VPS4B: variants seen among roughly 807,000 people sequenced by gnomAD.
The protein encoded by VPS4B is vacuolar protein sorting-associated protein 4B.
Under a neutral mutation model 56.1 loss-of-function variants are expected in VPS4B, and 23 were observed. That is an observed-to-expected ratio of 0.41 (90% confidence interval 0.30 to 0.58). The LOEUF (loss-of-function observed/expected upper bound fraction) is 0.58. Ranked by LOEUF, VPS4B falls within the 20% of genes least tolerant of loss-of-function variation. VPS4B has a pLI of 0.29. For missense variants in VPS4B, 372 were observed against 531.9 expected, an observed-to-expected ratio of 0.70 and a Z score of 2.96; for synonymous variants, 177 against 186.0, an observed-to-expected ratio of 0.95 and a Z score of 0.39.
intron 8 of VPS4B, among the ~76,000 whole-genome samples, chr18:63,398,223 A>ATTTT (rs869086603): frequency 6.6e-5 from 3 of 45,686 alleles, no homozygotes; most frequent in Admixed American, 2.6e-4. Flanking sequence ...ATATATATAT[A>ATTTT]TTTTTTTTTG....
intron 4 of VPS4B, among the ~76,000 whole-genome samples, chr18:63,406,820 GT>G (rs1423352499): frequency 6.6e-6 from 1 of 152,202 alleles, no homozygotes; most frequent in East Asian, 1.9e-4. Context: ...CAATTAGAAA[GT>G]TCTAAGTGGC....
chr18:63,415,035 G>A (rs1032520867), intron 1 of VPS4B, among the ~76,000 whole-genome samples: 2 of 152,186 alleles, frequency 1.3e-5, no homozygotes, highest in African/African-American at 4.8e-5. Context: ...AATTAAAATA[G>A]CCACATGCAG....
intron 1 of VPS4B, among the ~76,000 whole-genome samples, chr18:63,418,025 T>C (rs1034409252): frequency 7.2e-5 from 11 of 152,284 alleles, no homozygotes; most frequent in Middle Eastern, 6.8e-3. Flanking sequence ...GATCCCCACC[T>C]TCCTCTGCTG....
At position 63,399,806 on chromosome 18, in the gene VPS4B, C is replaced by T. The variant is rs191001984; in HGVS notation, c.790+242G>A. ...ATGGAGAAATTCTGCTTGAATTTTT[C>T]ATTACTGTTATAAAAATTGTTATAA... is the stretch of plus-strand genomic sequence containing the variant. On this transcript the variant is annotated intron_variant, in intron 7 of 10. Transcript: ENST00000238497. Among the ~76,000 whole-genome samples the T allele has an allele frequency of 7.3e-5, 11 of 149,950 alleles. No homozygotes were observed. In the East Asian group the frequency reaches 2.3e-3, roughly 31 times the overall value.
rs998521306 is a variant in VPS4B at position 63,397,160 on chromosome 18, C to T, written c.966G>A (p.Thr322=). The part of the protein sequence containing the change: ...LHLGTTQNSL[T]EADFRELGRK... ...TCCCAAGTTCCCGAAAGTCTGCTTC[C>T]GTGAGACTGTTCTGAGTGGTCCCTA... is the stretch of plus-strand genomic sequence containing the variant. Residue 322 remains threonine (T), a synonymous_variant, in exon 9 of 11, where the codon ACG becomes ACA. Coordinates refer to ENST00000238497, the MANE Select transcript of VPS4B (RefSeq NM_004869.4). The T allele has an allele frequency of 6.8e-6, 11 of 1,614,104 alleles. No individual in the cohort carries two copies. The highest frequency in any genetic ancestry group is 1.3e-5 in the African/African-American group (1 of 75,016).
intron 3 of VPS4B, 102 bp downstream of exon 3, chr18:63,410,188 G>T: frequency 2.1e-6 from 3 of 1,462,792 alleles, no homozygotes; most frequent in Non-Finnish European, 1.8e-6. Context: ...GGGCAGCTTT[G>T]GCCCATGAGC....
At chr18:63,416,820 CATG>C (rs1019836697) in intron 1 of VPS4B, among the ~76,000 whole-genome samples, 5 of 152,214 alleles carry the variant, frequency 3.3e-5, no homozygotes, top group Non-Finnish European at 5.9e-5. Context: ...CAGACAGATG[CATG>C]ATGTCTCCTT....
intron 1 of VPS4B, among the ~76,000 whole-genome samples, chr18:63,417,862 CAT>C (rs1452678267): frequency 3.9e-5 from 6 of 152,108 alleles, no homozygotes; most frequent in Admixed American, 3.9e-4. Flanking sequence ...AGGTTGGGAA[CAT>C]GTGGAATTGT....
chr18:63,390,963 C>T lies in VPS4B; in HGVS notation c.*12G>A. ...AAGAATACATATGGTAAGCATCTTCCTTGTCTTTGGCTTAGCCTTCTTGAC... is the reference window on the plus strand; with the variant it reads ...AAGAATACATATGGTAAGCATCTTCTTTGTCTTTGGCTTAGCCTTCTTGAC... On this transcript the variant is annotated 3_prime_UTR_variant, in exon 11 of 11. Coordinates refer to ENST00000238497, the MANE Select transcript of VPS4B (RefSeq NM_004869.4). 1 of 1,553,634 alleles carries T rather than the reference C, an allele frequency of 6.4e-7. No homozygotes were observed. Among genetic ancestry groups the T allele is most frequent in the South Asian group, 1.1e-5 (1 of 89,488 alleles).
chr18:63,408,137 C>T (rs1915958444), intron 3 of VPS4B, among the ~76,000 whole-genome samples: 1 of 152,156 alleles, frequency 6.6e-6, no homozygotes, highest in Non-Finnish European at 1.5e-5. Flanking sequence ...GAAAAAGTAA[C>T]TCATATTATA....
At chr18:63,403,888 C>T in intron 4 of VPS4B, 62 bp from the exon 5 acceptor site, 1 of 1,531,578 alleles carries the variant, frequency 6.5e-7, no homozygotes, top group Non-Finnish European at 8.8e-7. Context: ...TAGAAGACAA[C>T]ATGAAATAAT....
At chr18:63,404,618 T>G (rs975564928) in intron 4 of VPS4B, 1 of 152,212 alleles carries the variant, frequency 6.6e-6, no homozygotes, top group African/African-American at 2.4e-5. Context: ...ATTTTCTAGT[T>G]CTCTTTTATC....
intron 1 of VPS4B, among the ~76,000 whole-genome samples, chr18:63,417,592 C>T (rs182163444): frequency 6.6e-6 from 1 of 151,968 alleles, no homozygotes; most frequent in South Asian, 2.1e-4. Context: ...TCTGTTTCCT[C>T]CCCCCCTACA....
chr18:63,419,782 T>C (rs1916253282), intron 1 of VPS4B, among the ~76,000 whole-genome samples: 1 of 152,246 alleles, frequency 6.6e-6, no homozygotes, highest in East Asian at 1.9e-4. Context: ...TTAAAATTTT[T>C]GGACCCAGGT....
intron 4 of VPS4B, among the ~76,000 whole-genome samples, chr18:63,405,629 A>G (rs1229922688): frequency 6.6e-6 from 1 of 151,742 alleles, no homozygotes; most frequent in Non-Finnish European, 1.5e-5. Flanking sequence ...CCTTTATTGT[A>G]AGTGATAGGG....
Position 63,400,561 on chromosome 18 carries a change from T to G in VPS4B, c.627A>C (p.Leu209=). 6.2e-7 allele frequency: 1 copy of G among 1,607,104 alleles called. No individual in the cohort carries two copies. The highest frequency in any genetic ancestry group is 1.7e-5 in the Admixed American group (1 of 57,700). Residue 209 remains leucine (L), a synonymous_variant, in exon 6 of 11, where the codon CTA becomes CTC. Coordinates refer to ENST00000238497, the MANE Select transcript of VPS4B (RefSeq NM_004869.4). The part of the protein sequence containing the change: ...ISSSDLVSKW[L]GESEKLVKNL... ...TTACTACTTACTTTTCACTTTCACC[T>G]AGCCACTTAGAAACAAGATCAGAGG...
intron 8 of VPS4B, among the ~76,000 whole-genome samples, chr18:63,398,358 A>C (rs1915726489): frequency 6.6e-6 from 1 of 151,690 alleles, no homozygotes; most frequent in South Asian, 2.1e-4. Context: ...GGGACTACAG[A>C]CAGGTGTGCG....
At chr18:63,413,812 G>A (rs375077995) in intron 1 of VPS4B, among the ~76,000 whole-genome samples, 6 of 152,186 alleles carry the variant, frequency 3.9e-5, no homozygotes, top group East Asian at 1.9e-4. Context: ...ACTGGGCTGA[G>A]ATCTGTAAAT....
At chr18:63,394,610 G>A (rs1915628729) in intron 9 of VPS4B, among the ~76,000 whole-genome samples, 1 of 152,154 alleles carries the variant, frequency 6.6e-6, no homozygotes, top group Non-Finnish European at 1.5e-5. Flanking sequence ...GGGATTATAG[G>A]CGCCCGCCCT....
Sources: allele counts gnomAD v4.1 joint callset (sites outside exome capture counted in the v4.1 genomes callset), GRCh38; gene constraint gnomAD v4.1.1; transcripts MANE v1.5; gene names NCBI Gene and HGNC (gene_info 2026-07-23, HGNC 2026-07-21).